LRRC37A2: variants seen among roughly 807,000 people sequenced by gnomAD.
The protein encoded by LRRC37A2 is leucine rich repeat containing 37 member A2.
Under a neutral mutation model 68.8 loss-of-function variants are expected in LRRC37A2, and 9 were observed. The observed-to-expected ratio is 0.13, with a 90% CI of 0.08 to 0.23. LRRC37A2 has a LOEUF of 0.23. Among genes scored for constraint, LRRC37A2 ranks in the 10% least tolerant of loss-of-function variants. The pLI is 1.00. For missense variants in LRRC37A2, 168 were observed against 950.4 expected, an observed-to-expected ratio of 0.18 and a Z score of 10.82; for synonymous variants, 63 against 367.6, an observed-to-expected ratio of 0.17 and a Z score of 9.48.
At chr17:46,944,253 G>T in the LRRC37A2 span, among the ~76,000 whole-genome samples, 1 of 152,236 alleles carries the variant, frequency 6.6e-6, no homozygotes, top group African/African-American at 2.4e-5. Context: ...GCAGCCCTCC[G>T]CAGTTTGCAC....
At chr17:47,034,122 C>T in the LRRC37A2 span, among the ~76,000 whole-genome samples, 2 of 152,208 alleles carry the variant, frequency 1.3e-5, no homozygotes, top group Admixed American at 6.5e-5. Context: ...ATCGCTTGAG[C>T]CCCTGGAGTT....
At chr17:47,037,797 T>G in the LRRC37A2 span, among the ~76,000 whole-genome samples, 1 of 152,212 alleles carries the variant, frequency 6.6e-6, no homozygotes, top group African/African-American at 2.4e-5. Flanking sequence ...CTCAATCTCT[T>G]TACTTGACAT....
At chr17:46,770,934 G>T in the LRRC37A2 span, among the ~76,000 whole-genome samples, 2 of 152,374 alleles carry the variant, frequency 1.3e-5, no homozygotes, top group African/African-American at 4.8e-5. Context: ...CTCTCCTCAT[G>T]GCAGGACCCG....
chr17:46,813,796 C>A, the LRRC37A2 span, among the ~76,000 whole-genome samples: 1 of 152,284 alleles, frequency 6.6e-6, no homozygotes, highest in Non-Finnish European at 1.5e-5. Flanking sequence ...CTACATCTGC[C>A]CAAGTACCAT....
the LRRC37A2 span, among the ~76,000 whole-genome samples, chr17:46,979,874 A>G: frequency 8.3e-6 from 1 of 119,948 alleles, no homozygotes. Context: ...AAAACTTTAT[A>G]ATCTGCCTCC....
the LRRC37A2 span, among the ~76,000 whole-genome samples, chr17:46,777,048 T>G: frequency 6.6e-6 from 1 of 151,842 alleles, no homozygotes; most frequent in East Asian, 1.9e-4. Flanking sequence ...ATTATACAGA[T>G]GAAAAACAGA....
the LRRC37A2 span, among the ~76,000 whole-genome samples, chr17:47,002,869 T>G: frequency 8.5e-5 from 13 of 152,252 alleles, no homozygotes; most frequent in Admixed American, 7.8e-4. Flanking sequence ...AATTTGTTAT[T>G]CATTCAGAAT....
the LRRC37A2 span, among the ~76,000 whole-genome samples, chr17:46,870,195 T>C: frequency 6.6e-6 from 1 of 152,278 alleles, no homozygotes; most frequent in African/African-American, 2.4e-5. Flanking sequence ...AGGTCCAGTT[T>C]CTGAAACACA....
At chr17:46,978,364 T>C in the LRRC37A2 span, 1 of 440,642 alleles carries the variant, frequency 2.3e-6, no homozygotes, top group Non-Finnish European at 4.0e-6. Context: ...ACTCCCACCC[T>C]GCCCCGAACG....
At chr17:46,792,481 A>G in the LRRC37A2 span, among the ~76,000 whole-genome samples, 7 of 151,936 alleles carry the variant, frequency 4.6e-5, no homozygotes, top group African/African-American at 1.5e-4. Flanking sequence ...TGGCCATTTT[A>G]TTATTTTTTT....
the LRRC37A2 span, among the ~76,000 whole-genome samples, chr17:46,926,841 G>A: frequency 6.6e-6 from 1 of 152,206 alleles, no homozygotes; most frequent in Admixed American, 6.5e-5. Context: ...AGTGGATTAT[G>A]GGCCTGTACA....
chr17:46,795,161 G>T, the LRRC37A2 span, among the ~76,000 whole-genome samples: 2 of 152,058 alleles, frequency 1.3e-5, no homozygotes, highest in Non-Finnish European at 2.9e-5. Context: ...GGTGCTGAGG[G>T]AATTGTTCCC....
At chr17:46,757,359 CTT>C in the LRRC37A2 span, 1 of 152,606 alleles carries the variant, frequency 6.6e-6, no homozygotes, top group Non-Finnish European at 1.5e-5. Context: ...ACTTATGTCT[CTT>C]GTTAAATGAG....
At chr17:46,908,960 G>A in the LRRC37A2 span, among the ~76,000 whole-genome samples, 1 of 152,196 alleles carries the variant, frequency 6.6e-6, no homozygotes, top group Non-Finnish European at 1.5e-5. Flanking sequence ...GCTGGGAGAG[G>A]TGGGTCTGGT....
chr17:46,595,863 G>C, the LRRC37A2 span, among the ~76,000 whole-genome samples: 1 of 141,550 alleles, frequency 7.1e-6, no homozygotes, highest in Non-Finnish European at 1.5e-5. Flanking sequence ...CCCAGTCTCT[G>C]TTATCTATTT....
At chr17:46,962,470 C>T in the LRRC37A2 span, among the ~76,000 whole-genome samples, 1 of 152,142 alleles carries the variant, frequency 6.6e-6, no homozygotes, top group Admixed American at 6.5e-5. Flanking sequence ...TTTTAATAAA[C>T]AGGATGTGGC....
chr17:46,848,469 A>C, the LRRC37A2 span, among the ~76,000 whole-genome samples: 1 of 152,230 alleles, frequency 6.6e-6, no homozygotes, highest in Admixed American at 6.5e-5. Flanking sequence ...GGCAGAGGGA[A>C]GGTGGCAGAG....
At chr17:46,732,332 T>C in the LRRC37A2 span, among the ~76,000 whole-genome samples, 4 of 152,132 alleles carry the variant, frequency 2.6e-5, no homozygotes, top group Non-Finnish European at 2.9e-5. Context: ...CCAGATATTC[T>C]CTTTTCTCCT....
chr17:46,823,686 C>T, the LRRC37A2 span, among the ~76,000 whole-genome samples: 3 of 152,134 alleles, frequency 2.0e-5, no homozygotes, highest in African/African-American at 7.2e-5. Context: ...ATGACCCACC[C>T]ATCTTGGTCT....
Sources: allele counts gnomAD v4.1 joint callset (sites outside exome capture counted in the v4.1 genomes callset), GRCh38; gene constraint gnomAD v4.1.1; transcripts MANE v1.5; gene names NCBI Gene and HGNC (gene_info 2026-07-23, HGNC 2026-07-21).